The following NMNAT2 variants were observed in gnomAD, a reference collection of about 807,000 sequenced individuals.
NMNAT2 encodes the protein nicotinamide/nicotinic acid mononucleotide adenylyltransferase 2.
A neutral mutation model predicts 41.6 loss-of-function variants in NMNAT2; 11 were observed. The observed-to-expected ratio is 0.26, with a 90% CI of 0.17 to 0.44. The LOEUF is 0.44. NMNAT2 is among the 20% of genes least tolerant of loss of function. The pLI is 1.00. For synonymous variants in NMNAT2, 148 were observed against 151.2 expected (o/e 0.98, Z 0.16); for missense variants, 288 against 407.7 (o/e 0.71, Z 2.53).
chr1:183,315,649 G>A (rs1164265884), intron 1 of NMNAT2, among the ~76,000 whole-genome samples: 2 of 151,972 alleles, frequency 1.3e-5, no homozygotes, highest in African/African-American at 4.8e-5. Flanking sequence ...GGGCATGGTC[G>A]TGGGCACCTA....
chr1:183,357,123 G>A (rs74129753), intron 1 of NMNAT2, among the ~76,000 whole-genome samples: 9 of 151,998 alleles, frequency 5.9e-5, no homozygotes, highest in Non-Finnish European at 7.4e-5. Context: ...GAGAACGTTG[G>A]TGAGGTTTAG....
intron 1 of NMNAT2, among the ~76,000 whole-genome samples, chr1:183,320,239 A>C (rs1194177465): frequency 6.6e-6 from 1 of 152,176 alleles, no homozygotes; most frequent in Non-Finnish European, 1.5e-5. Flanking sequence ...GAGAAAGATA[A>C]AGTTTTTGAA....
At chr1:183,342,330 CA>C (rs1446540145) in intron 1 of NMNAT2, among the ~76,000 whole-genome samples, 1 of 152,006 alleles carries the variant, frequency 6.6e-6, no homozygotes, top group Non-Finnish European at 1.5e-5. Flanking sequence ...TGTCTCAAAA[CA>C]AAATTTTTCC....
rs1406537766 is a variant in NMNAT2, at chr1:183,274,102, G to A, written c.651+4451C>T. Reference sequence around the variant, plus strand: ...TGATTTTTGTACTTTTAGTAGAGATGGGGTTTTACCATGTTGGCCAGGCTT... The same window carrying A: ...TGATTTTTGTACTTTTAGTAGAGATAGGGTTTTACCATGTTGGCCAGGCTT... On this transcript the variant is annotated intron_variant, in intron 8 of 10. Coordinates refer to ENST00000287713, the MANE Select transcript of NMNAT2 (RefSeq NM_015039.4). Among the ~76,000 whole-genome samples the A allele has an allele frequency of 8.6e-5, 13 of 151,610 alleles. No homozygotes were observed. The East Asian group carries it at 2.5e-3, about 30-fold the overall frequency.
At chr1:183,269,390 A>G (rs1271413269) in intron 8 of NMNAT2, among the ~76,000 whole-genome samples, 1 of 152,244 alleles carries the variant, frequency 6.6e-6, no homozygotes, top group African/African-American at 2.4e-5. Context: ...TGAAACTTCC[A>G]TCGGCAACAG....
chr1:183,405,402 T>C (rs984974415), intron 1 of NMNAT2, among the ~76,000 whole-genome samples: 1 of 152,176 alleles, frequency 6.6e-6, no homozygotes, highest in African/African-American at 2.4e-5. Flanking sequence ...ATTGTTCTGT[T>C]TACTTTTGCA....
intron 1 of NMNAT2, chr1:183,304,781 C>A: frequency 6.2e-7 from 1 of 1,612,900 alleles, no homozygotes; most frequent in Non-Finnish European, 8.5e-7. Context: ...CAGCCCTGTG[C>A]TGGCCATCAG....
At chr1:183,399,626 C>T (rs1160953237) in intron 1 of NMNAT2, among the ~76,000 whole-genome samples, 1 of 152,152 alleles carries the variant, frequency 6.6e-6, no homozygotes, top group Non-Finnish European at 1.5e-5. Context: ...GAATTTTAGA[C>T]CAATATCCCT....
rs187356121 is a variant in NMNAT2 at position 183,289,225 on chromosome 1, G to A, written c.321+903C>T. 6.7e-3 allele frequency among the ~76,000 whole-genome samples: 1,021 copies of A among 152,306 alleles called. 17 individuals carry two copies. The highest frequency in any genetic ancestry group is 0.022 in the African/African-American group (928 of 41,556). ...CAGGTGGACTGCTATCTGGGGCTGC[G>A]GAGGGCTCTGCTGCAGAGTCCGTGG... is the stretch of plus-strand genomic sequence containing the variant. On this transcript the variant is annotated intron_variant, in intron 4 of 10. Transcript: ENST00000287713.
At chr1:183,405,870 T>C (rs1322229086) in intron 1 of NMNAT2, among the ~76,000 whole-genome samples, 1 of 152,214 alleles carries the variant, frequency 6.6e-6, no homozygotes, top group African/African-American at 2.4e-5. Flanking sequence ...CAGGATGTTA[T>C]TCCCAGTGTG....
chr1:183,409,484 T>G (rs1405244881), intron 1 of NMNAT2, among the ~76,000 whole-genome samples: 1 of 152,014 alleles, frequency 6.6e-6, no homozygotes, highest in East Asian at 1.9e-4. Context: ...ACCTGGCTAA[T>G]TTTTAAATTT....
intron 1 of NMNAT2, among the ~76,000 whole-genome samples, chr1:183,392,606 A>T (rs1326575311): frequency 6.6e-6 from 1 of 152,212 alleles, no homozygotes; most frequent in Non-Finnish European, 1.5e-5. Flanking sequence ...CAACCTGGGC[A>T]TCCACTATGT....
At chr1:183,416,657 T>C (rs1004678103) in intron 1 of NMNAT2, among the ~76,000 whole-genome samples, 2 of 152,218 alleles carry the variant, frequency 1.3e-5, no homozygotes, top group African/African-American at 4.8e-5. Context: ...GATGGCTATC[T>C]CTCAGCCTCC....
At chr1:183,331,159 A>G (rs1662574407) in intron 1 of NMNAT2, among the ~76,000 whole-genome samples, 1 of 152,112 alleles carries the variant, frequency 6.6e-6, no homozygotes, top group Non-Finnish European at 1.5e-5. Flanking sequence ...AAAAGCACAG[A>G]GGCATGTGAA....
At chr1:183,277,512 CAAAAAAAAAAA>C (rs759856572) in intron 8 of NMNAT2, among the ~76,000 whole-genome samples, 1 of 47,712 alleles carries the variant, frequency 2.1e-5, no homozygotes, top group Non-Finnish European at 4.8e-5. Flanking sequence ...GACTCCGTCT[CAAAAAAAAAAA>C]AAAAAAAAAA....
At chr1:183,404,405 T>C (rs1361477463) in intron 1 of NMNAT2, among the ~76,000 whole-genome samples, 2 of 152,206 alleles carry the variant, frequency 1.3e-5, no homozygotes, top group Admixed American at 6.5e-5. Context: ...AATGTAATAT[T>C]ACACTTAGCT....
chr1:183,344,717 T>C (rs919338005), intron 1 of NMNAT2, among the ~76,000 whole-genome samples: 1 of 152,098 alleles, frequency 6.6e-6, no homozygotes. Context: ...TGGAAACACT[T>C]CCAGAGAAGG....
intron 1 of NMNAT2, among the ~76,000 whole-genome samples, chr1:183,342,022 C>CTTT (rs11355849): frequency 1.5e-5 from 2 of 132,560 alleles, no homozygotes; most frequent in Non-Finnish European, 3.2e-5. Flanking sequence ...CCTTCCTCAC[C>CTTT]TTTTTTTTTT....
chr1:183,328,539 C>A (rs1662515871), intron 1 of NMNAT2, among the ~76,000 whole-genome samples: 1 of 152,220 alleles, frequency 6.6e-6, no homozygotes, highest in Non-Finnish European at 1.5e-5. Context: ...TAGCCAGCCC[C>A]ATGAGTCAGC....
Sources: allele counts gnomAD v4.1 joint callset (sites outside exome capture counted in the v4.1 genomes callset), GRCh38; gene constraint gnomAD v4.1.1; transcripts MANE v1.5; gene names NCBI Gene and HGNC (gene_info 2026-07-23, HGNC 2026-07-21).